Variants in GABRA3 observed in about 807,000 individuals in gnomAD.
GABRA3 encodes gamma-aminobutyric acid type A receptor subunit alpha3.
In GABRA3, 10 loss-of-function variants were observed where a neutral mutation model predicts 30.1. The observed-to-expected ratio is 0.33, with a 90% CI of 0.20 to 0.56. The LOEUF is 0.56. Ranked by LOEUF, GABRA3 falls within the 20% of genes least tolerant of loss-of-function variation. The pLI, the probability that GABRA3 is intolerant of heterozygous loss-of-function variation, is 0.89. For missense variants in GABRA3, 233 were observed against 392.0 expected (o/e 0.59, Z 3.42); for synonymous variants, 151 against 146.8 (o/e 1.03, Z -0.21).
At chrX:152,410,846 G>C (rs2124529774) in intron 1 of GABRA3, among the ~76,000 whole-genome samples, 1 of 111,036 alleles carries the variant, frequency 9.0e-6, no homozygotes, top group Non-Finnish European at 1.9e-5. Context: ...AAAATTAATA[G>C]AAACTGTCCC....
intron 9 of GABRA3, among the ~76,000 whole-genome samples, chrX:152,188,031 G>A (rs1454643991): frequency 9.0e-6 from 1 of 111,554 alleles, no homozygotes; most frequent in Non-Finnish European, 1.9e-5. Context: ...GTTCCCATGA[G>A]ACCATCTTAA....
intron 1 of GABRA3, among the ~76,000 whole-genome samples, chrX:152,402,819 A>G (rs1929827435): frequency 8.9e-6 from 1 of 112,350 alleles, no homozygotes; most frequent in African/African-American, 3.2e-5. Context: ...GGGGACAGAC[A>G]AAAACATAAC....
intron 7 of GABRA3, among the ~76,000 whole-genome samples, chrX:152,198,542 T>A (rs1937418996): frequency 8.9e-6 from 1 of 112,207 alleles, no homozygotes; most frequent in African/African-American, 3.2e-5. Context: ...CAATTCTCCC[T>A]CTTACTGGAT....
chrX:152,255,044 C>T (rs1938614936), intron 5 of GABRA3, among the ~76,000 whole-genome samples: 1 of 111,363 alleles, frequency 9.0e-6, no homozygotes, highest in African/African-American at 3.3e-5. Flanking sequence ...TTATGAAATA[C>T]ATAAAATTGT....
intron 7 of GABRA3, among the ~76,000 whole-genome samples, chrX:152,199,078 G>C (rs1393556998): frequency 9.0e-6 from 1 of 111,461 alleles, no homozygotes; most frequent in Non-Finnish European, 1.9e-5. Context: ...AAAGCAGGCA[G>C]AGGGCTGGGT....
intron 3 of GABRA3, among the ~76,000 whole-genome samples, chrX:152,317,293 T>C (rs1464027363): frequency 1.8e-5 from 2 of 111,556 alleles, no homozygotes; most frequent in African/African-American, 6.5e-5. Flanking sequence ...TATATGCACC[T>C]AACACTGGAG....
At chrX:152,207,646 T>A (rs1372101064) in intron 7 of GABRA3, among the ~76,000 whole-genome samples, 2 of 111,858 alleles carry the variant, frequency 1.8e-5, no homozygotes, top group African/African-American at 6.5e-5. Flanking sequence ...TTTAATGAAA[T>A]CTTTAGGAAC....
intron 4 of GABRA3, among the ~76,000 whole-genome samples, chrX:152,275,468 T>TATATATTTACATATTTATTTTAATTATA (rs1406086247): frequency 9.4e-6 from 1 of 106,474 alleles, no homozygotes; most frequent in Non-Finnish European, 1.9e-5. Context: ...AAATATCAAA[T>TATATATTTACATATTTATTTTAATTATA]AAATAGAGCT....
chrX:152,432,752 G>C (rs909732986), intron 1 of GABRA3, among the ~76,000 whole-genome samples: 1 of 111,289 alleles, frequency 9.0e-6, no homozygotes, highest in Non-Finnish European at 1.9e-5. Flanking sequence ...AAAGATGAAA[G>C]CTATAAAAAC....
intron 8 of GABRA3, among the ~76,000 whole-genome samples, chrX:152,193,005 A>C (rs1354095635): frequency 8.9e-6 from 1 of 112,142 alleles, no homozygotes; most frequent in Non-Finnish European, 1.9e-5. Context: ...TTCAGAATCA[A>C]GAGCTCAAGA....
At chrX:152,275,465 A>AT (rs1939063497) in intron 4 of GABRA3, among the ~76,000 whole-genome samples, 1 of 106,062 alleles carries the variant, frequency 9.4e-6, no homozygotes, top group Non-Finnish European at 1.9e-5. Flanking sequence ...TTTAAATATC[A>AT]AATAAATAGA....
intron 1 of GABRA3, among the ~76,000 whole-genome samples, chrX:152,405,616 G>A (rs767108661): frequency 7.2e-5 from 8 of 110,931 alleles, no homozygotes; most frequent in Non-Finnish European, 1.3e-4. Context: ...GTCCTGCGAC[G>A]TGGATACCAG....
intron 3 of GABRA3, among the ~76,000 whole-genome samples, chrX:152,307,484 G>C (rs1939737014): frequency 9.0e-6 from 1 of 111,270 alleles, no homozygotes; most frequent in Non-Finnish European, 1.9e-5. Flanking sequence ...TTCCAGGGGA[G>C]GGTCATTTAT....
intron 7 of GABRA3, 39 bp downstream of exon 7, chrX:152,207,962 G>A (rs765755111): frequency 2.6e-5 from 30 of 1,157,873 alleles, no homozygotes; most frequent in Non-Finnish European, 3.4e-5. Flanking sequence ...ATGTGGTATA[G>A]GTTACAGAAA....
At chrX:152,417,834 A>T (rs1930270991) in intron 1 of GABRA3, among the ~76,000 whole-genome samples, 1 of 90,632 alleles carries the variant, frequency 1.1e-5, no homozygotes, top group Non-Finnish European at 2.1e-5. Flanking sequence ...ATGAGATCAC[A>T]TGGACACAGG....
At chrX:152,211,029 T>G (rs1937624405) in intron 6 of GABRA3, among the ~76,000 whole-genome samples, 1 of 111,094 alleles carries the variant, frequency 9.0e-6, no homozygotes. Context: ...CTTTAGTACA[T>G]ATGCTTGGGG....
At chrX:152,237,310 A>G (rs1338318900) in intron 5 of GABRA3, among the ~76,000 whole-genome samples, 1 of 108,855 alleles carries the variant, frequency 9.2e-6, no homozygotes, top group East Asian at 2.9e-4. Context: ...AGTTGTAGAT[A>G]TGTGGTGTTA....
chrX:152,404,112 A>G (rs1035415513), intron 1 of GABRA3, among the ~76,000 whole-genome samples: 1 of 111,617 alleles, frequency 9.0e-6, no homozygotes, highest in East Asian at 2.8e-4. Context: ...GGGCTACACA[A>G]AGAGTAAGGA....
chrX:152,225,685 T>A (rs937922946), intron 5 of GABRA3, among the ~76,000 whole-genome samples: 15 of 110,145 alleles, frequency 1.4e-4, no homozygotes, highest in East Asian at 2.9e-4. Flanking sequence ...CTGATTTTTT[T>A]TTTTTTATTT....
Sources: allele counts gnomAD v4.1 joint callset (sites outside exome capture counted in the v4.1 genomes callset), GRCh38; gene constraint gnomAD v4.1.1; transcripts MANE v1.5; gene names NCBI Gene and HGNC (gene_info 2026-07-23, HGNC 2026-07-21).